Variants in SEC23A observed in about 807,000 individuals in gnomAD.
The protein encoded by SEC23A is SEC23 homolog A, COPII component.
Under a neutral mutation model 103.7 loss-of-function variants are expected in SEC23A, and 56 were observed. That is an observed-to-expected ratio of 0.54 (90% CI 0.44 to 0.67). The LOEUF (loss-of-function observed/expected upper bound fraction) is 0.67, where lower values mean the gene tolerates loss of function less well. Among genes scored for constraint, SEC23A ranks in the 30% least tolerant of loss-of-function variants. SEC23A has a pLI of 0.00. For synonymous variants in SEC23A, 281 were observed against 293.0 expected (o/e 0.96, Z 0.42); for missense variants, 784 against 936.4 (o/e 0.84, Z 2.12).
At chr14:39,047,655 T>C (rs1316338597) in intron 15 of SEC23A, among the ~76,000 whole-genome samples, 1 of 152,216 alleles carries the variant, frequency 6.6e-6, no homozygotes, top group African/African-American at 2.4e-5. Context: ...AAAAGATATA[T>C]AAAATCATCC....
rs759015278 is a variant in SEC23A at position 39,033,329 on chromosome 14, C to T, written c.2209-1G>A. On this transcript the variant is annotated splice_acceptor_variant, in intron 19 of 19. Coordinates refer to ENST00000307712, the MANE Select transcript of SEC23A (RefSeq NM_006364.4). LOFTEE classifies it high-confidence loss of function. ...CTGTAAGAATAGGTGCTCCAGACTCCTAGAGGAAAAAAGATATTTGTTATG... is the reference window on the plus strand; with the variant it reads ...CTGTAAGAATAGGTGCTCCAGACTCTTAGAGGAAAAAAGATATTTGTTATG... 5 of 1,471,128 alleles carry T rather than the reference C, an allele frequency of 3.4e-6. No homozygotes were observed. 91.1% of individuals were successfully genotyped at this position (1,471,128 alleles called of 1,614,324 possible).
rs1317910711 is a variant in SEC23A, at chr14:39,091,842, G to T, written c.367-129C>A. 3 of 707,808 alleles carry T rather than the reference G, an allele frequency of 4.2e-6. No individual in the cohort carries two copies. In the Admixed American group the frequency reaches 6.6e-5, roughly 16 times the overall value. The allele number at this position is 707,808 out of a possible 1,614,324, so 43.8% of individuals were successfully genotyped here. A position where few individuals can be genotyped will look rare whatever the true frequency, so the allele number is the denominator to read the frequency against. ...TAAAGCCATTTCAGAAATGAAACAG[G>T]TTATTTCTACTGTCATGGAGAGAGA... On this transcript the variant is annotated intron_variant, in intron 4 of 19. Transcript: ENST00000307712.
chr14:39,078,720 T>C (rs1434214102), intron 7 of SEC23A, among the ~76,000 whole-genome samples: 3 of 152,072 alleles, frequency 2.0e-5, no homozygotes, highest in African/African-American at 7.2e-5. Flanking sequence ...AAAACCTCAA[T>C]GGATGGGCCA....
intron 1 of SEC23A, among the ~76,000 whole-genome samples, chr14:39,100,835 CTT>C (rs1397999743): frequency 6.6e-6 from 1 of 152,048 alleles, no homozygotes; most frequent in Non-Finnish European, 1.5e-5. Context: ...AGAATGCAGA[CTT>C]AGCATATTAG....
chr14:39,047,585 T>G, intron 15 of SEC23A: 1 of 261,422 alleles, frequency 3.8e-6, no homozygotes, highest in Non-Finnish European at 7.6e-6. Flanking sequence ...AAAATATGAA[T>G]TTCCACATCT....
At chr14:39,053,580 T>TA (rs888272658) in intron 14 of SEC23A, among the ~76,000 whole-genome samples, 6 of 151,224 alleles carry the variant, frequency 4.0e-5, no homozygotes, top group Non-Finnish European at 5.9e-5. Context: ...GGTACTAGTA[T>TA]AAAAAAAACT....
intron 9 of SEC23A, among the ~76,000 whole-genome samples, chr14:39,072,589 G>T (rs1214178369): frequency 1.3e-5 from 2 of 151,886 alleles, no homozygotes; most frequent in Non-Finnish European, 2.9e-5. Context: ...GAGGCAGGAG[G>T]ATCGAGCCCA....
At chr14:39,037,133 ACT>A (rs1356946443) in intron 19 of SEC23A, among the ~76,000 whole-genome samples, 1 of 151,230 alleles carries the variant, frequency 6.6e-6, no homozygotes, top group Non-Finnish European at 1.5e-5. Flanking sequence ...TTACCTCTTT[ACT>A]CTCTCTTCAG....
intron 5 of SEC23A, chr14:39,091,146 A>C: frequency 2.7e-6 from 1 of 373,086 alleles, no homozygotes; most frequent in Non-Finnish European, 4.9e-6. Flanking sequence ...ACTCTTAAGA[A>C]AAAAAAAAGA....
At chr14:39,085,721 C>T (rs758610102) in intron 7 of SEC23A, 41 bp downstream of exon 7, 39 of 1,487,192 alleles carry the variant, frequency 2.6e-5, no homozygotes, top group Non-Finnish European at 3.2e-5. Context: ...CACACACACA[C>T]ACACACACTT....
chr14:39,085,899 G>A lies in SEC23A; in HGVS notation c.691C>T (p.Gln231Ter). The part of the protein sequence containing the change: ...QQPPPSNRFL[Q>*]PVQKIDMNLT... ...TTCATGTCTATTTTCTGTACTGGTTGTAAGAATCTAAGAAACAGAATTAAA... is the reference window on the plus strand; with the variant it reads ...TTCATGTCTATTTTCTGTACTGGTTATAAGAATCTAAGAAACAGAATTAAA... Residue 231 changes from glutamine to a stop codon, truncating the protein, a stop_gained, in exon 7 of 20, where the codon CAA becomes TAA. Coordinates refer to ENST00000307712, the MANE Select transcript of SEC23A (RefSeq NM_006364.4). LOFTEE classifies it high-confidence loss of function. The A allele has an allele frequency of 6.2e-7, 1 of 1,612,668 alleles. No homozygotes were observed. Among genetic ancestry groups the A allele is most frequent in the Non-Finnish European group, 8.5e-7 (1 of 1,178,762 alleles).
intron 7 of SEC23A, among the ~76,000 whole-genome samples, chr14:39,080,290 A>G (rs893646776): frequency 6.6e-6 from 1 of 152,232 alleles, no homozygotes; most frequent in Admixed American, 6.5e-5. Context: ...TCAAATGAAA[A>G]CTTGGTAAGA....
At chr14:39,033,351 T>C (rs1427443243) in intron 19 of SEC23A, 23 bp from the exon 20 acceptor site, 1 of 1,460,748 alleles carries the variant, frequency 6.8e-7, no homozygotes, top group Non-Finnish European at 9.6e-7. Context: ...AGATATTTGT[T>C]ATGATTAAAG....
intron 11 of SEC23A, among the ~76,000 whole-genome samples, chr14:39,064,160 T>TC (rs1207716214): frequency 2.0e-5 from 3 of 152,068 alleles, no homozygotes; most frequent in African/African-American, 7.2e-5. Flanking sequence ...TGTTAAGCAC[T>TC]CTGATTCCCA....
At chr14:39,039,181 T>C (rs1326759009) in intron 18 of SEC23A, 85 bp from the exon 19 acceptor site, 9 of 1,106,496 alleles carry the variant, frequency 8.1e-6, no homozygotes, top group African/African-American at 4.7e-5. Flanking sequence ...GCAAAATCAA[T>C]TTTATTTAGT....
At position 39,042,775 on chromosome 14, in the gene SEC23A, T is replaced by C. The variant is rs371541535; in HGVS notation, c.1986+11A>G. ...TTACATGCATAGCTTTAAATGCTAT[T>C]GAAATCTTACCTCACCATGATAAAT... On this transcript the variant is annotated intron_variant, in intron 17 of 19. Coordinates refer to ENST00000307712, the MANE Select transcript of SEC23A (RefSeq NM_006364.4). The C allele has an allele frequency of 6.4e-7, 1 of 1,563,666 alleles. No homozygotes were observed.
intron 3 of SEC23A, 81 bp from the exon 4 acceptor site, chr14:39,092,708 G>T: frequency 1.3e-6 from 1 of 774,276 alleles, no homozygotes; most frequent in African/African-American, 1.8e-5. Flanking sequence ...AGTATTTCCT[G>T]ATCATTTAAT....
At chr14:39,065,520 T>G (rs745387230) in intron 10 of SEC23A, among the ~76,000 whole-genome samples, 2 of 152,222 alleles carry the variant, frequency 1.3e-5, no homozygotes, top group Non-Finnish European at 2.9e-5. Flanking sequence ...TAATGACTTC[T>G]GCCTACACAT....
Position 39,076,065 on chromosome 14 carries a change from A to G in SEC23A, c.857T>C (p.Ile286Thr), listed in dbSNP as rs141517330. The change falls in exon 8 of 20, where the codon ATC becomes ACC. Residue 286 changes from isoleucine to threonine, a missense_variant. Physicochemically the swap from Ile to Thr is moderately conservative, Grantham distance 89. Transcript: ENST00000307712. ...AGCAGGACCACCAATGAACATCATGATACGAGCACCAGTGTTGGGAAAAGT... is the reference window on the plus strand; with the variant it reads ...AGCAGGACCACCAATGAACATCATGGTACGAGCACCAGTGTTGGGAAAAGT... The part of the protein sequence containing the change: ...ECTFPNTGAR[I>T]MMFIGGPATQ... The G allele has an allele frequency of 4.3e-6, 7 of 1,613,670 alleles. No homozygotes were observed. The South Asian group carries it at 6.6e-5, about 15-fold the overall frequency.
Sources: gnomAD v4.1 joint callset for allele counts (sites outside exome capture counted in the v4.1 genomes callset) on GRCh38, gnomAD v4.1.1 for gene constraint, MANE v1.5 for transcripts, NCBI Gene and HGNC (gene_info 2026-07-23, HGNC 2026-07-21) for gene names.